The following ZNF695 variants were observed in gnomAD, a reference collection of about 807,000 sequenced individuals.
The protein encoded by ZNF695 is zinc finger protein 695, also known as zinc finger protein SBZF3.
In ZNF695, 11 loss-of-function variants were observed where a neutral mutation model predicts 11.2. The ratio of observed to expected loss-of-function variants is 0.98; its 90% CI spans 0.62 to 1.62. The LOEUF is 1.62. Among genes scored for constraint, ZNF695 ranks in the 40% most tolerant of loss-of-function variants. The pLI is 0.00. For synonymous variants in ZNF695, 190 were observed against 201.4 expected (o/e 0.94, Z 0.48); for missense variants, 559 against 590.5 (o/e 0.95, Z 0.55).
At chr1:246,971,327 T>C (rs913704076) in intron 4 of ZNF695, among the ~76,000 whole-genome samples, 2 of 152,186 alleles carry the variant, frequency 1.3e-5, no homozygotes, top group Admixed American at 1.3e-4. Context: ...GGGCGGAACA[T>C]GAAAGCGGGC....
At chr1:246,972,954 A>C (rs1394874535) in intron 4 of ZNF695, among the ~76,000 whole-genome samples, 2 of 145,086 alleles carry the variant, frequency 1.4e-5, no homozygotes, top group Admixed American at 1.4e-4. Context: ...TATATATACT[A>C]TATAAATTCT....
At chr1:246,965,062 T>C (rs755452228) in intron 5 of ZNF695, among the ~76,000 whole-genome samples, 9 of 151,698 alleles carry the variant, frequency 5.9e-5, no homozygotes, top group Non-Finnish European at 1.0e-4. Flanking sequence ...ATCAGACTGA[T>C]GACTCTACAA....
intron 4 of ZNF695, among the ~76,000 whole-genome samples, chr1:246,975,901 C>T (rs547157620): frequency 6.6e-5 from 10 of 151,860 alleles, no homozygotes; most frequent in Middle Eastern, 3.4e-3. Context: ...TTCTATTAGG[C>T]GAAGAGAACA....
chr1:246,972,207 C>G (rs1176933610), intron 4 of ZNF695, among the ~76,000 whole-genome samples: 1 of 152,210 alleles, frequency 6.6e-6, no homozygotes, highest in Non-Finnish European at 1.5e-5. Context: ...GCCTACTAAC[C>G]AGGCCTCCTA....
intron 5 of ZNF695, among the ~76,000 whole-genome samples, chr1:246,954,503 C>T (rs1329215266): frequency 1.3e-5 from 2 of 152,172 alleles, no homozygotes; most frequent in Non-Finnish European, 2.9e-5. Context: ...TATTTCAGCT[C>T]TCACAAGAAA....
Position 246,985,891 on chromosome 1 carries a change from C to T in ZNF695, c.*1076G>A. On this transcript the variant is annotated 3_prime_UTR_variant, in exon 4 of 4. Transcript: ENST00000339986. ...CAAAGAAAAGGATATGAACAACACC[C>T]ACCCGAATATAGAAGAAACTCTCAC... 1.0e-6 allele frequency: 1 copy of T among 985,382 alleles called. No individual in the cohort carries two copies. The highest frequency in any genetic ancestry group is 1.2e-6 in the Non-Finnish European group (1 of 829,924). The allele number at this position is 985,382 out of a possible 1,614,324, so 61.0% of individuals were successfully genotyped here.
intron 3 of ZNF695, chr1:246,996,263 G>T (rs185237041): frequency 7.2e-4 from 197 of 274,338 alleles, no homozygotes; most frequent in African/African-American, 4.4e-3. Context: ...GGCTGAGATG[G>T]GAGATCACTT....
intron 3 of ZNF695, among the ~76,000 whole-genome samples, chr1:246,999,087 C>A (rs1669288064): frequency 6.6e-6 from 1 of 151,870 alleles, no homozygotes; most frequent in South Asian, 2.1e-4. Context: ...GCAGTCAGAT[C>A]ATGCAGTCCC....
chr1:246,988,699 G>A (rs539271236), intron 3 of ZNF695, among the ~76,000 whole-genome samples: 72 of 152,302 alleles, frequency 4.7e-4, no homozygotes, highest in African/African-American at 1.7e-3. Flanking sequence ...GATAAAAGGA[G>A]TACTTCAATC....
At chr1:246,964,131 C>T (rs1165196961) in intron 5 of ZNF695, among the ~76,000 whole-genome samples, 2 of 152,130 alleles carry the variant, frequency 1.3e-5, no homozygotes, top group South Asian at 2.1e-4. Flanking sequence ...CAGGGTGCAT[C>T]GCCCTTCCAG....
At chr1:246,998,224 C>T (rs1015677905) in intron 3 of ZNF695, among the ~76,000 whole-genome samples, 4 of 152,014 alleles carry the variant, frequency 2.6e-5, no homozygotes, top group Non-Finnish European at 5.9e-5. Context: ...TGACACAGAC[C>T]GATGAAGTTT....
intron 1 of ZNF695, 53 bp downstream of exon 1, chr1:247,007,853 C>A: frequency 1.3e-6 from 2 of 1,512,422 alleles, no homozygotes; most frequent in East Asian, 2.6e-5. Context: ...CAATTCCAAC[C>A]GATTCCAACC....
At chr1:246,949,451 C>A (rs1217617931) in intron 5 of ZNF695, among the ~76,000 whole-genome samples, 1 of 152,054 alleles carries the variant, frequency 6.6e-6, no homozygotes, top group Non-Finnish European at 1.5e-5. Context: ...ACTAGTCGGG[C>A]ATGTTGGCAC....
chr1:246,976,793 C>CAAATAAATAAATAAATAAATAAATAAAT (rs569407542), intron 4 of ZNF695, among the ~76,000 whole-genome samples: 1 of 151,392 alleles, frequency 6.6e-6, no homozygotes, highest in Non-Finnish European at 1.5e-5. Context: ...AACTCCGTCT[C>CAAATAAATAAATAAATAAATAAATAAAT]AAATAAATAA....
downstream of ZNF695, among the ~76,000 whole-genome samples, chr1:246,980,565 C>G (rs543452915): frequency 1.5e-4 from 23 of 152,068 alleles, no homozygotes; most frequent in Middle Eastern, 6.8e-3. Context: ...TACAGGCGTG[C>G]ACCACCACAC....
intron 3 of ZNF695, among the ~76,000 whole-genome samples, chr1:246,997,048 G>A (rs549897479): frequency 1.3e-5 from 2 of 152,204 alleles, no homozygotes; most frequent in South Asian, 4.1e-4. Flanking sequence ...AACTGAATAT[G>A]TTCATAAAAA....
downstream of ZNF695, among the ~76,000 whole-genome samples, chr1:246,983,777 C>A (rs1384685672): frequency 6.6e-6 from 1 of 152,122 alleles, no homozygotes; most frequent in Non-Finnish European, 1.5e-5. Flanking sequence ...AAGATTGCAC[C>A]ACTGCACTCC....
At chr1:246,990,840 C>A (rs1341212612) in intron 3 of ZNF695, among the ~76,000 whole-genome samples, 1 of 152,168 alleles carries the variant, frequency 6.6e-6, no homozygotes, top group Non-Finnish European at 1.5e-5. Flanking sequence ...GGAAATTAAA[C>A]AATACGCTCC....
Position 246,996,407 on chromosome 1 carries a change from A to AAAAAC in ZNF695, c.259+2936_259+2940dup, listed in dbSNP as rs59864871. Among the ~76,000 whole-genome samples, 1,058 of 152,314 alleles carry AAAAAC rather than the reference A, an allele frequency of 6.9e-3. 8 individuals are homozygous for AAAAAC. The highest frequency in any genetic ancestry group is 0.023 in the African/African-American group (969 of 41,556). ...ATGCCCAAGAAATCGAGATGTCTCA[A>AAAAAC]AAAACAAAACAAAACAAAACAACCC... is the stretch of plus-strand genomic sequence containing the variant. On this transcript the variant is annotated intron_variant, in intron 3 of 3. Coordinates refer to ENST00000339986, the MANE Select transcript of ZNF695 (RefSeq NM_020394.5).
Sources: gnomAD v4.1 joint callset for allele counts (sites outside exome capture counted in the v4.1 genomes callset) on GRCh38, gnomAD v4.1.1 for gene constraint, MANE v1.5 for transcripts, NCBI Gene and HGNC (gene_info 2026-07-23, HGNC 2026-07-21) for gene names.